The following BMP5 variants were observed in gnomAD, a reference collection of about 807,000 sequenced individuals.
BMP5 encodes the protein bone morphogenetic protein 5.
Under a neutral mutation model 46.6 loss-of-function variants are expected in BMP5, and 23 were observed. That is an observed-to-expected ratio of 0.49 (90% CI 0.35 to 0.70). The LOEUF is 0.70. Ranked by LOEUF, BMP5 falls within the 30% of genes least tolerant of loss-of-function variation. BMP5 has a pLI of 0.00. For missense variants in BMP5, 545 were observed against 565.6 expected (o/e 0.96, Z 0.37); for synonymous variants, 204 against 191.9 (o/e 1.06, Z -0.52).
At position 55,862,085 on chromosome 6, in the gene BMP5, G is replaced by C. The variant is rs568521418; in HGVS notation, c.490+12291C>G. Among the ~76,000 whole-genome samples, 4 of 152,316 alleles carry C rather than the reference G, an allele frequency of 2.6e-5. No individual in the cohort carries two copies. The South Asian group carries it at 8.3e-4, about 32-fold the overall frequency. ...TGTAGCAAACAGAATATCCACTAGA[G>C]AAGAAATCATTAAGGTCTTAACTTC... On this transcript the variant is annotated intron_variant, in intron 1 of 6. Coordinates refer to ENST00000370830, the MANE Select transcript of BMP5 (RefSeq NM_021073.4).
chr6:55,773,669 G>A (rs1462019044), intron 4 of BMP5, among the ~76,000 whole-genome samples: 1 of 151,890 alleles, frequency 6.6e-6, no homozygotes, highest in Non-Finnish European at 1.5e-5. Flanking sequence ...ATTGACTTAA[G>A]TACGAAAGAA....
At chr6:55,761,654 G>A (rs1774783472) in intron 4 of BMP5, among the ~76,000 whole-genome samples, 1 of 152,016 alleles carries the variant, frequency 6.6e-6, no homozygotes, top group Non-Finnish European at 1.5e-5. Context: ...CCTTGCTTAA[G>A]CAACATCTCA....
At chr6:55,782,138 T>A (rs1775334158) in intron 3 of BMP5, among the ~76,000 whole-genome samples, 1 of 152,124 alleles carries the variant, frequency 6.6e-6, no homozygotes, top group African/African-American at 2.4e-5. Flanking sequence ...TGAATGCTGC[T>A]ACCACAAAGA....
chr6:55,803,549 A>T (rs1775907430), intron 2 of BMP5, among the ~76,000 whole-genome samples: 1 of 152,150 alleles, frequency 6.6e-6, no homozygotes. Context: ...TGATTGGATA[A>T]TTGGTAAAGT....
At chr6:55,782,104 A>T (rs1057489765) in intron 3 of BMP5, among the ~76,000 whole-genome samples, 4 of 152,114 alleles carry the variant, frequency 2.6e-5, no homozygotes, top group Non-Finnish European at 1.5e-5. Context: ...ATGCCATAGT[A>T]ACTACTTCTG....
intron 1 of BMP5, among the ~76,000 whole-genome samples, chr6:55,869,852 G>A (rs983906680): frequency 5.9e-5 from 9 of 152,062 alleles, no homozygotes; most frequent in Admixed American, 5.9e-4. Flanking sequence ...CTTCTCAACT[G>A]GAGAGAAAAC....
intron 2 of BMP5, among the ~76,000 whole-genome samples, chr6:55,805,203 A>G (rs530995187): frequency 6.6e-6 from 1 of 152,328 alleles, no homozygotes; most frequent in East Asian, 1.9e-4. Flanking sequence ...TCAGGTGCCA[A>G]TAAGCTGTAA....
intron 2 of BMP5, among the ~76,000 whole-genome samples, chr6:55,811,647 CTCTG>C (rs993637278): frequency 6.6e-6 from 1 of 151,928 alleles, no homozygotes; most frequent in Non-Finnish European, 1.5e-5. Flanking sequence ...CCCTCTCTCT[CTCTG>C]TCTCTCTCTC....
chr6:55,820,863 C>T lies in BMP5; in HGVS notation c.491-1016G>A, dbSNP rs113699680. Among the ~76,000 whole-genome samples, 491 of 152,174 alleles carry T rather than the reference C, an allele frequency of 3.2e-3. 5 individuals carry two copies. The highest frequency in any genetic ancestry group is 4.8e-3 in the Non-Finnish European group (326 of 68,002). The stretch of plus-strand genomic sequence containing the variant: ...GGAACATATTTTCCCTCTTTAGTAA[C>T]CTTCCAAACAAATGAAGTCAAAGAA... On this transcript the variant is annotated intron_variant, in intron 1 of 6. Coordinates refer to ENST00000370830, the MANE Select transcript of BMP5 (RefSeq NM_021073.4).
At chr6:55,823,474 T>C (rs1340482684) in intron 1 of BMP5, among the ~76,000 whole-genome samples, 3 of 152,016 alleles carry the variant, frequency 2.0e-5, no homozygotes, top group African/African-American at 7.2e-5. Flanking sequence ...TAAGTATCAT[T>C]TGTGTGGTAC....
chr6:55,774,648 T>C (rs181417666), intron 3 of BMP5, among the ~76,000 whole-genome samples: 133 of 152,148 alleles, frequency 8.7e-4, no homozygotes, highest in Non-Finnish European at 1.3e-3. Context: ...AAAAGCCGAA[T>C]ACTTGGCAGG....
intron 1 of BMP5, among the ~76,000 whole-genome samples, chr6:55,846,624 T>C (rs1365269352): frequency 6.6e-6 from 1 of 151,878 alleles, no homozygotes; most frequent in East Asian, 1.9e-4. Flanking sequence ...CAGACCCAGT[T>C]TCTTATTTAT....
intron 2 of BMP5, among the ~76,000 whole-genome samples, chr6:55,807,236 T>A (rs981499898): frequency 6.7e-6 from 1 of 149,922 alleles, no homozygotes; most frequent in Non-Finnish European, 1.5e-5. Flanking sequence ...ATTTTGAGAT[T>A]TTTTCATCAA....
chr6:55,824,480 T>C (rs1193914089), intron 1 of BMP5, among the ~76,000 whole-genome samples: 1 of 151,914 alleles, frequency 6.6e-6, no homozygotes, highest in Non-Finnish European at 1.5e-5. Context: ...CATTCCCTCT[T>C]TGGTGGTGAA....
intron 4 of BMP5, chr6:55,772,875 T>C (rs911453912): frequency 1.7e-5 from 17 of 984,954 alleles, no homozygotes; most frequent in Non-Finnish European, 2.0e-5. Context: ...TTAGGAAAAG[T>C]CCAATGAATT....
At chr6:55,827,459 CT>C (rs1193915266) in intron 1 of BMP5, among the ~76,000 whole-genome samples, 1 of 151,462 alleles carries the variant, frequency 6.6e-6, no homozygotes, top group Non-Finnish European at 1.5e-5. Context: ...TACTTGACAT[CT>C]TGTTTATATA....
chr6:55,819,874 GA>G lies in BMP5; in HGVS notation c.491-28del, dbSNP rs747892430. 23 of 1,567,448 alleles carry G rather than the reference GA, an allele frequency of 1.5e-5. No homozygotes were observed. The Admixed American group carries it at 1.9e-4, about 13-fold the overall frequency. On this transcript the variant is annotated intron_variant, in intron 1 of 6. Coordinates refer to ENST00000370830, the MANE Select transcript of BMP5 (RefSeq NM_021073.4). Reference sequence around the variant, plus strand: ...TGAAAAAATAAAGGGGGTTGAGGGGGAAAAAAGTTAGTCTTTTATAAAATAT... The same window carrying G: ...TGAAAAAATAAAGGGGGTTGAGGGGGAAAAAGTTAGTCTTTTATAAAATAT...
At chr6:55,760,357 AT>A in intron 5 of BMP5, 99 bp downstream of exon 5, 2 of 1,027,402 alleles carry the variant, frequency 1.9e-6, no homozygotes, top group Non-Finnish European at 3.0e-6. Flanking sequence ...GTCAAAAATC[AT>A]TGGGTATTAT....
At chr6:55,870,916 A>G (rs898024246) in intron 1 of BMP5, among the ~76,000 whole-genome samples, 1 of 152,096 alleles carries the variant, frequency 6.6e-6, no homozygotes, top group Non-Finnish European at 1.5e-5. Flanking sequence ...GAGAAAAACC[A>G]TTAATAAACT....
Sources: gnomAD v4.1 joint callset for allele counts (sites outside exome capture counted in the v4.1 genomes callset) on GRCh38, gnomAD v4.1.1 for gene constraint, MANE v1.5 for transcripts, NCBI Gene and HGNC (gene_info 2026-07-23, HGNC 2026-07-21) for gene names.